Variants in SYCP1 observed in about 807,000 individuals in gnomAD.
SYCP1 encodes the protein cancer/testis antigen 8.
SYCP1 carries 64 observed loss-of-function variants against 153.1 expected under a neutral mutation model. The ratio of observed to expected loss-of-function variants is 0.42; its 90% confidence interval spans 0.34 to 0.51. The LOEUF (loss-of-function observed/expected upper bound fraction) is 0.51, where lower values mean the gene tolerates loss of function less well. Among genes scored for constraint, SYCP1 ranks in the 20% least tolerant of loss-of-function variants. SYCP1 has a pLI of 0.06. For synonymous variants in SYCP1, 384 were observed against 341.8 expected, an observed-to-expected ratio of 1.12 and a Z score of -1.36; for missense variants, 997 against 1,049.0, an observed-to-expected ratio of 0.95 and a Z score of 0.68.
intron 27 of SYCP1, among the ~76,000 whole-genome samples, chr1:114,951,978 T>C (rs765896293): frequency 1.3e-5 from 2 of 152,224 alleles, no homozygotes; most frequent in Middle Eastern, 3.4e-3. Context: ...GGAAAGCAGA[T>C]AGAAAAATGT....
At chr1:114,969,099 A>G (rs1025903409) in intron 27 of SYCP1, among the ~76,000 whole-genome samples, 2 of 152,096 alleles carry the variant, frequency 1.3e-5, no homozygotes, top group African/African-American at 2.4e-5. Context: ...GAGTCTTCCT[A>G]TATGAGGTGT....
intron 27 of SYCP1, among the ~76,000 whole-genome samples, chr1:114,967,197 G>T (rs1394444155): frequency 1.3e-5 from 2 of 152,186 alleles, no homozygotes; most frequent in African/African-American, 2.4e-5. Flanking sequence ...GGTCTGTTTG[G>T]TCCGGAGCTG....
intron 16 of SYCP1, among the ~76,000 whole-genome samples, chr1:114,901,448 A>G (rs927168157): frequency 6.6e-6 from 1 of 152,192 alleles, no homozygotes; most frequent in Non-Finnish European, 1.5e-5. Context: ...ACTTTACTAA[A>G]GGCTCAGAGA....
At chr1:114,906,504 A>G (rs1473016270) in intron 16 of SYCP1, among the ~76,000 whole-genome samples, 3 of 152,246 alleles carry the variant, frequency 2.0e-5, no homozygotes, top group Non-Finnish European at 2.9e-5. Context: ...TTTGCATGCT[A>G]TAAATTTCCT....
At chr1:114,934,723 C>A in intron 23 of SYCP1, among the ~76,000 whole-genome samples, 1 of 151,976 alleles carries the variant, frequency 6.6e-6, no homozygotes, top group Non-Finnish European at 1.5e-5. Flanking sequence ...ATCTACCAAG[C>A]AAATGGAAAA....
At chr1:114,909,636 A>T (rs1429171745) in intron 16 of SYCP1, among the ~76,000 whole-genome samples, 1 of 152,142 alleles carries the variant, frequency 6.6e-6, no homozygotes, top group East Asian at 1.9e-4. Flanking sequence ...GAAAGCTAAA[A>T]GACTGCTTCT....
intron 20 of SYCP1, among the ~76,000 whole-genome samples, chr1:114,914,485 A>G (rs1420148532): frequency 1.3e-5 from 2 of 152,130 alleles, no homozygotes; most frequent in African/African-American, 2.4e-5. Context: ...ATCAACATAA[A>G]GGAGTAAATA....
rs774728690 is a variant in SYCP1 at position 114,876,762 on chromosome 1, A to G, written c.753A>G (p.Gln251=). The stretch of plus-strand genomic sequence containing the variant: ...TAAAGGAAGATTATGAAAAAATCCA[A>G]CACCTTGAACAAGAATACAAGAAGG... ...FKLKEDYEKI[Q]HLEQEYKKEI... is the part of the protein sequence containing the mutation. Residue 251 remains glutamine, a synonymous_variant, in exon 11 of 32, where the codon CAA becomes CAG. Coordinates refer to ENST00000369522, the MANE Select transcript of SYCP1 (RefSeq NM_003176.4). 8 of 1,397,350 alleles carry G rather than the reference A, an allele frequency of 5.7e-6. No homozygotes were observed. The South Asian group carries it at 1.1e-4, about 20-fold the overall frequency. The allele number at this position is 1,397,350 out of a possible 1,614,324, so 86.6% of individuals were successfully genotyped here. A position where few individuals can be genotyped will look rare whatever the true frequency, so the allele number is the denominator to read the frequency against.
At chr1:114,854,823 C>CA (rs1212541399), upstream of SYCP1, 4 of 152,196 alleles carry the variant, frequency 2.6e-5, no homozygotes, top group Non-Finnish European at 5.9e-5. Context: ...GGCAAGCCCA[C>CA]ACAGCGACGG....
In SYCP1 at chr1:114,913,940, CAA is replaced by C. The variant is rs746610776; in HGVS notation, c.1648-32_1648-31del. On this transcript the variant is annotated intron_variant, in intron 19 of 31. Transcript: ENST00000369522. ...AGTTTAAATTTTATTTTTGTTTAAACAAAATAATTGATATAAACAACATTATT... is the reference window on the plus strand; with the variant it reads ...AGTTTAAATTTTATTTTTGTTTAAACAATAATTGATATAAACAACATTATT... 9 of 1,414,512 alleles carry C rather than the reference CAA, an allele frequency of 6.4e-6. No individual in the cohort carries two copies. The East Asian group carries it at 2.0e-4, about 32-fold the overall frequency. 87.6% of individuals were successfully genotyped at this position (1,414,512 alleles called of 1,614,324 possible). A position where few individuals can be genotyped will look rare whatever the true frequency, so the allele number is the denominator to read the frequency against.
At chr1:114,955,692 G>C (rs974109524) in intron 27 of SYCP1, among the ~76,000 whole-genome samples, 4 of 152,166 alleles carry the variant, frequency 2.6e-5, no homozygotes, top group African/African-American at 9.7e-5. Flanking sequence ...CAGGACTCAA[G>C]AGGGAGTCTC....
intron 30 of SYCP1, among the ~76,000 whole-genome samples, chr1:114,990,728 C>T (rs1673861379): frequency 1.3e-5 from 2 of 152,030 alleles, no homozygotes; most frequent in South Asian, 2.1e-4. Flanking sequence ...TTCCTTATAA[C>T]TCACAAATTC....
intron 28 of SYCP1, among the ~76,000 whole-genome samples, chr1:114,978,587 T>G (rs1453899526): frequency 6.6e-6 from 1 of 151,682 alleles, no homozygotes; most frequent in Non-Finnish European, 1.5e-5. Context: ...GTTAAAATGA[T>G]TAAGAATTTT....
chr1:114,953,986 G>C (rs1290570258), intron 27 of SYCP1, among the ~76,000 whole-genome samples: 1 of 151,502 alleles, frequency 6.6e-6, no homozygotes, highest in Non-Finnish European at 1.5e-5. Context: ...TCATTATATA[G>C]CCTCTAAACC....
At chr1:114,943,935 A>G (rs916435660) in intron 23 of SYCP1, among the ~76,000 whole-genome samples, 3 of 151,910 alleles carry the variant, frequency 2.0e-5, no homozygotes, top group African/African-American at 7.2e-5. Context: ...TGTGAAAATA[A>G]TATAAATGGA....
At chr1:114,948,568 A>G (rs1291354813) in intron 27 of SYCP1, among the ~76,000 whole-genome samples, 2 of 152,098 alleles carry the variant, frequency 1.3e-5, no homozygotes, top group Non-Finnish European at 2.9e-5. Flanking sequence ...CACATCTTTC[A>G]TCTTATAGTT....
intron 16 of SYCP1, among the ~76,000 whole-genome samples, chr1:114,906,381 G>A (rs766507821): frequency 5.3e-5 from 8 of 151,596 alleles, no homozygotes; most frequent in Non-Finnish European, 1.0e-4. Flanking sequence ...ATTGTTTTCT[G>A]CTCATATCTT....
intron 30 of SYCP1, among the ~76,000 whole-genome samples, chr1:114,994,334 G>A (rs1674127110): frequency 6.6e-6 from 1 of 151,304 alleles, no homozygotes; most frequent in Non-Finnish European, 1.5e-5. Flanking sequence ...AATAAACGGG[G>A]TCAGGGAAGG....
chr1:114,885,681 T>C (rs1422902018), intron 13 of SYCP1, 52 bp downstream of exon 13: 13 of 1,044,966 alleles, frequency 1.2e-5, no homozygotes, highest in Non-Finnish European at 1.8e-5. Flanking sequence ...TATCAATCAG[T>C]CAACAAATAT....
Sources: allele counts gnomAD v4.1 joint callset (sites outside exome capture counted in the v4.1 genomes callset), GRCh38; gene constraint gnomAD v4.1.1; transcripts MANE v1.5; gene names NCBI Gene and HGNC (gene_info 2026-07-23, HGNC 2026-07-21).